The following ASTN2 variants were observed in gnomAD, a reference collection of about 807,000 sequenced individuals.
ASTN2 encodes the protein astrotactin 2.
ASTN2 carries 54 observed loss-of-function variants against 139.8 expected under a neutral mutation model. That is an observed-to-expected ratio of 0.39 (90% CI 0.31 to 0.48). ASTN2 has a LOEUF of 0.48. ASTN2 is among the 20% of genes least tolerant of loss of function. ASTN2 has a pLI of 0.95. For synonymous variants in ASTN2, 756 were observed against 719.5 expected (o/e 1.05, Z -0.81); for missense variants, 1,565 against 1,725.1 (o/e 0.91, Z 1.64).
In ASTN2 at chr9:116,425,909, C is replaced by T. The variant is rs764209705; in HGVS notation, c.3962G>A (p.Cys1321Tyr). 5 of 1,614,186 alleles carry T rather than the reference C, an allele frequency of 3.1e-6. No homozygotes were observed. In the Admixed American group the frequency reaches 8.3e-5, roughly 27 times the overall value. The change falls in exon 23 of 23, where the codon TGT becomes TAT. Residue 1321 changes from cysteine to tyrosine, a missense_variant. Coordinates refer to ENST00000313400, the MANE Select transcript of ASTN2 (RefSeq NM_001365068.1). ...YSILKDTKIT[C>Y]EEKMVSMARN... is the part of the protein sequence containing the mutation. The stretch of plus-strand genomic sequence containing the variant: ...GGCCATTGACACCATCTTCTCCTCA[C>T]ACGTGATTTTGGTGTCCTTGAGGAT...
At chr9:116,536,937 A>C (rs965869561) in intron 19 of ASTN2, among the ~76,000 whole-genome samples, 8 of 152,224 alleles carry the variant, frequency 5.3e-5, no homozygotes, top group Admixed American at 5.2e-4. Context: ...TTATTAGGCT[A>C]TGCCCTGCCC....
At chr9:116,810,014 T>C (rs1831123907) in intron 12 of ASTN2, among the ~76,000 whole-genome samples, 1 of 152,210 alleles carries the variant, frequency 6.6e-6, no homozygotes, top group Admixed American at 6.5e-5. Context: ...AGACCATGCG[T>C]TCCCGATGCA....
chr9:117,302,522 C>T (rs757026952), intron 1 of ASTN2, among the ~76,000 whole-genome samples: 18 of 152,066 alleles, frequency 1.2e-4, no homozygotes, highest in Non-Finnish European at 2.5e-4. Flanking sequence ...CCTTATAATG[C>T]CAGGGCCCCT....
At chr9:117,313,026 C>T (rs77558442) in intron 1 of ASTN2, among the ~76,000 whole-genome samples, 14,123 of 152,246 alleles carry the variant, frequency 0.093, 1,708 homozygotes, top group African/African-American at 0.28. Flanking sequence ...TTTTATGTGG[C>T]TTTCCTTCTT....
At chr9:117,243,338 G>A (rs1008741421) in intron 2 of ASTN2, among the ~76,000 whole-genome samples, 3 of 152,150 alleles carry the variant, frequency 2.0e-5, no homozygotes, top group Non-Finnish European at 2.9e-5. Flanking sequence ...TTTACAGAAG[G>A]GAAACTGAGT....
At chr9:117,034,174 C>A (rs141298647) in intron 6 of ASTN2, among the ~76,000 whole-genome samples, 1 of 152,118 alleles carries the variant, frequency 6.6e-6, no homozygotes, top group African/African-American at 2.4e-5. Context: ...TAGCTTGTTC[C>A]TTTAAAAGCA....
intron 19 of ASTN2, among the ~76,000 whole-genome samples, chr9:116,492,896 C>T (rs1158818892): frequency 1.3e-5 from 2 of 152,122 alleles, no homozygotes; most frequent in Non-Finnish European, 2.9e-5. Context: ...AGGATGAACA[C>T]TAACAGGAGA....
At chr9:116,814,845 G>C (rs1002093616) in intron 12 of ASTN2, among the ~76,000 whole-genome samples, 4 of 152,118 alleles carry the variant, frequency 2.6e-5, no homozygotes, top group Admixed American at 2.6e-4. Flanking sequence ...ATCCACACTG[G>C]AAAATAGCTA....
At chr9:116,780,738 T>C (rs1830197103) in intron 13 of ASTN2, among the ~76,000 whole-genome samples, 1 of 152,210 alleles carries the variant, frequency 6.6e-6, no homozygotes, top group Admixed American at 6.5e-5. Flanking sequence ...CCAAGAGCTA[T>C]TTTATTTACT....
chr9:117,004,803 AG>A (rs1837308605), intron 7 of ASTN2, among the ~76,000 whole-genome samples: 2 of 152,204 alleles, frequency 1.3e-5, no homozygotes, highest in Non-Finnish European at 2.9e-5. Flanking sequence ...ACTGAAAGTA[AG>A]GAAACCTGAG....
intron 11 of ASTN2, among the ~76,000 whole-genome samples, chr9:116,849,602 C>T (rs938337347): frequency 2.0e-5 from 3 of 152,150 alleles, no homozygotes; most frequent in East Asian, 1.9e-4. Flanking sequence ...AGGAAGGGAT[C>T]GAGACAGGAT....
intron 10 of ASTN2, among the ~76,000 whole-genome samples, chr9:116,950,365 T>C (rs891034833): frequency 3.3e-5 from 5 of 152,044 alleles, no homozygotes; most frequent in African/African-American, 1.2e-4. Flanking sequence ...GAGAAGTGGG[T>C]AGAAAATGAA....
chr9:116,614,630 C>G (rs911923650), intron 19 of ASTN2, among the ~76,000 whole-genome samples: 1 of 152,106 alleles, frequency 6.6e-6, no homozygotes, highest in Non-Finnish European at 1.5e-5. Flanking sequence ...GGAAAGGATT[C>G]CCTATTTAAT....
At chr9:117,307,575 C>G (rs1263907638) in intron 1 of ASTN2, among the ~76,000 whole-genome samples, 3 of 152,196 alleles carry the variant, frequency 2.0e-5, no homozygotes, top group African/African-American at 7.2e-5. Context: ...TCACTAGGTT[C>G]GCCCACATAT....
chr9:117,084,595 A>T (rs1828513140), intron 5 of ASTN2, among the ~76,000 whole-genome samples: 1 of 152,266 alleles, frequency 6.6e-6, no homozygotes, highest in Non-Finnish European at 1.5e-5. Context: ...ATTGCTAGGA[A>T]GATTAATGAA....
Position 117,162,773 on chromosome 9 carries a change from T to C in ASTN2, c.1016-21295A>G, listed in dbSNP as rs571227282. Among the ~76,000 whole-genome samples, 28 of 152,200 alleles carry C rather than the reference T, an allele frequency of 1.8e-4. 1 individual carries two copies. Among genetic ancestry groups the C allele is most frequent in the African/African-American group, 6.7e-4 (28 of 41,556 alleles). ...GGCCTATGCATATGTTGGTTAGTTATCAAAATCATCCTAAATTCCGTGGAA... is the reference window on the plus strand; with the variant it reads ...GGCCTATGCATATGTTGGTTAGTTACCAAAATCATCCTAAATTCCGTGGAA... On this transcript the variant is annotated intron_variant, in intron 3 of 22. Coordinates refer to ENST00000313400, the MANE Select transcript of ASTN2 (RefSeq NM_001365068.1).
In ASTN2 at chr9:116,666,957, T is replaced by A. The variant is rs1459775434; in HGVS notation, c.2807-15164A>T. ...ATACTTATTTATTTATTCTTTTTTTTTTTTTTTTTTTTTTTTGAGACAGAG... is the reference window on the plus strand; with the variant it reads ...ATACTTATTTATTTATTCTTTTTTTATTTTTTTTTTTTTTTTGAGACAGAG... On this transcript the variant is annotated intron_variant, in intron 16 of 22. Transcript: ENST00000313400. Among the ~76,000 whole-genome samples, 4 of 134,268 alleles carry A rather than the reference T, an allele frequency of 3.0e-5. No individual in the cohort carries two copies. In the South Asian group the frequency reaches 1.0e-3, roughly 34 times the overall value. The allele number at this position is 134,268 out of a possible 152,430, so 88.1% of individuals were successfully genotyped here.
chr9:117,182,355 C>G (rs1831095685), intron 3 of ASTN2, among the ~76,000 whole-genome samples: 1 of 150,998 alleles, frequency 6.6e-6, no homozygotes, highest in Non-Finnish European at 1.5e-5. Flanking sequence ...AAACACATAC[C>G]CCACAGATGC....
chr9:117,363,851 A>G (rs961066251), intron 1 of ASTN2, among the ~76,000 whole-genome samples: 2 of 152,178 alleles, frequency 1.3e-5, no homozygotes, highest in Admixed American at 6.5e-5. Context: ...TGCCTCAGCC[A>G]CCGGCAGACA....
Sources: gnomAD v4.1 joint callset for allele counts (sites outside exome capture counted in the v4.1 genomes callset) on GRCh38, gnomAD v4.1.1 for gene constraint, MANE v1.5 for transcripts, NCBI Gene and HGNC (gene_info 2026-07-23, HGNC 2026-07-21) for gene names.